Variants in NHEJ1 observed in about 807,000 individuals in gnomAD.
The protein encoded by NHEJ1 is non-homologous end joining factor 1, also known as non-homologous end-joining factor 1.
NHEJ1 carries 22 observed loss-of-function variants against 39.4 expected under a neutral mutation model. The observed-to-expected ratio is 0.56, with a 90% CI of 0.40 to 0.80. The LOEUF (loss-of-function observed/expected upper bound fraction) is 0.80. Among genes scored for constraint, NHEJ1 ranks in the 30% least tolerant of loss-of-function variants. NHEJ1 has a pLI of 0.00. For missense variants in NHEJ1, 329 were observed against 357.1 expected, an observed-to-expected ratio of 0.92 and a Z score of 0.63; for synonymous variants, 154 against 135.6, an observed-to-expected ratio of 1.14 and a Z score of -0.94.
chr2:219,144,196 C>T (rs1949715030), intron 5 of NHEJ1, among the ~76,000 whole-genome samples: 1 of 152,126 alleles, frequency 6.6e-6, no homozygotes, highest in Admixed American at 6.6e-5. Flanking sequence ...ACACTGTATC[C>T]ACAGGCCACA....
intron 5 of NHEJ1, among the ~76,000 whole-genome samples, chr2:219,089,987 A>G (rs564982457): frequency 1.4e-4 from 21 of 152,266 alleles, no homozygotes; most frequent in African/African-American, 4.8e-4. Context: ...AGTCAGACAG[A>G]CCTGGTTTTG....
chr2:219,126,540 C>A (rs1429611798), intron 5 of NHEJ1, among the ~76,000 whole-genome samples: 6 of 152,164 alleles, frequency 3.9e-5, no homozygotes, highest in South Asian at 2.1e-4. Flanking sequence ...CAAATGAAAT[C>A]AAAAAGGCAA....
At chr2:219,103,004 C>CAAAA (rs34361973) in intron 5 of NHEJ1, among the ~76,000 whole-genome samples, 2 of 31,574 alleles carry the variant, frequency 6.3e-5, no homozygotes, top group African/African-American at 1.9e-4. Context: ...GACTCCGTCT[C>CAAAA]AAAAAAAAAA....
At chr2:219,097,416 G>T (rs1949218567) in intron 5 of NHEJ1, among the ~76,000 whole-genome samples, 2 of 152,172 alleles carry the variant, frequency 1.3e-5, no homozygotes, top group African/African-American at 4.8e-5. Flanking sequence ...GATTGGATGT[G>T]GGGTATGAGA....
chr2:219,156,248 C>CA (rs1949854313), intron 3 of NHEJ1, among the ~76,000 whole-genome samples: 6 of 151,334 alleles, frequency 4.0e-5, no homozygotes, highest in Admixed American at 1.3e-4. Flanking sequence ...AACTCCGTCT[C>CA]AAAAAAAATA....
intron 5 of NHEJ1, among the ~76,000 whole-genome samples, chr2:219,096,171 A>C (rs977573775): frequency 2.0e-5 from 3 of 152,204 alleles, no homozygotes; most frequent in Admixed American, 1.3e-4. Flanking sequence ...AATTCTTTGA[A>C]TTTTTATTGT....
intron 5 of NHEJ1, among the ~76,000 whole-genome samples, chr2:219,123,387 A>C (rs1184831785): frequency 6.6e-6 from 1 of 152,236 alleles, no homozygotes; most frequent in Non-Finnish European, 1.5e-5. Context: ...AGTGAGAGAC[A>C]GAAGGAGTCA....
At chr2:219,081,166 T>C (rs1410842979) in intron 5 of NHEJ1, among the ~76,000 whole-genome samples, 1 of 152,196 alleles carries the variant, frequency 6.6e-6, no homozygotes, top group Admixed American at 6.5e-5. Context: ...ACCATACTCT[T>C]AATCCCATTC....
chr2:219,147,099 T>G (rs911222171), intron 4 of NHEJ1, among the ~76,000 whole-genome samples: 2 of 152,244 alleles, frequency 1.3e-5, no homozygotes, highest in African/African-American at 4.8e-5. Context: ...TCCAAAGTCT[T>G]TCCCTGCCAT....
At chr2:219,152,913 T>C (rs1156620750) in intron 3 of NHEJ1, among the ~76,000 whole-genome samples, 1 of 151,918 alleles carries the variant, frequency 6.6e-6, no homozygotes, top group African/African-American at 2.4e-5. Context: ...AGCAATTCTC[T>C]TACCTCAGCC....
intron 3 of NHEJ1, among the ~76,000 whole-genome samples, chr2:219,148,341 C>T (rs980858260): frequency 6.6e-6 from 1 of 152,066 alleles, no homozygotes; most frequent in African/African-American, 2.4e-5. Context: ...TCACTTAAGC[C>T]CAGGAGTTCA....
intron 5 of NHEJ1, among the ~76,000 whole-genome samples, chr2:219,145,564 TA>T (rs1949730977): frequency 6.6e-6 from 1 of 152,198 alleles, no homozygotes; most frequent in African/African-American, 2.4e-5. Flanking sequence ...AAATAATCTA[TA>T]CATAATACCA....
intron 5 of NHEJ1, among the ~76,000 whole-genome samples, chr2:219,105,447 T>C (rs900605283): frequency 6.6e-6 from 1 of 152,218 alleles, no homozygotes; most frequent in East Asian, 1.9e-4. Context: ...CACATCCATT[T>C]TGACAGCTCA....
Position 219,075,058 on chromosome 2 carries a change from A to G in NHEJ1, c.*1323T>C, listed in dbSNP as rs1948999802. ...AGGAGGTTTACAGTGGGAGACTGGA[A>G]AGAAGAACCTAATGTCCTTTCTGGA... On this transcript the variant is annotated 3_prime_UTR_variant, in exon 8 of 8. Coordinates refer to ENST00000356853, the MANE Select transcript of NHEJ1 (RefSeq NM_024782.3). Among the ~76,000 whole-genome samples, 1 of 152,246 alleles carries G rather than the reference A, an allele frequency of 6.6e-6. No homozygotes were observed. Among genetic ancestry groups the G allele is most frequent in the African/African-American group, 2.4e-5 (1 of 41,466 alleles).
intron 5 of NHEJ1, among the ~76,000 whole-genome samples, chr2:219,096,816 T>C (rs1249765445): frequency 6.6e-6 from 1 of 151,914 alleles, no homozygotes. Context: ...AGAGATGAGG[T>C]CAGAAAGATT....
At position 219,149,520 on chromosome 2, in the gene NHEJ1, GCACA is replaced by G. The variant is rs1949775113; in HGVS notation, c.391-1729_391-1726del. 5.9e-5 allele frequency among the ~76,000 whole-genome samples: 9 copies of G among 152,254 alleles called. No individual in the cohort carries two copies. The South Asian group carries it at 1.2e-3, about 21-fold the overall frequency. On this transcript the variant is annotated intron_variant, in intron 3 of 7. Coordinates refer to ENST00000356853, the MANE Select transcript of NHEJ1 (RefSeq NM_024782.3). ...AATCCCAGCTACTCGGGAGACTGAGGCACAAGAATCGCTTGAATCCGGGAGGCAG... is the reference window on the plus strand; with the variant it reads ...AATCCCAGCTACTCGGGAGACTGAGGAGAATCGCTTGAATCCGGGAGGCAG...
At chr2:219,096,953 T>G (rs1002357603) in intron 5 of NHEJ1, among the ~76,000 whole-genome samples, 11 of 152,178 alleles carry the variant, frequency 7.2e-5, no homozygotes, top group Non-Finnish European at 1.5e-4. Flanking sequence ...CTTTAAAGAA[T>G]CACTCCAGCT....
rs777365329 is a variant in NHEJ1 at position 219,157,536 on chromosome 2, C to T, written c.326G>A (p.Arg109Gln). ...GAAGGGGAGGCCAGAGAGCTCACTT[C>T]GCACCCGTAGAATCAGTGCATCTGC... The part of the protein sequence containing the change: ...CVADALILRV[R>Q]SELSGLPFYW... The change falls in exon 3 of 8, where the codon CGA becomes CAA. Residue 109 changes from arginine to glutamine, a missense_variant. Arg to Gln is a conservative substitution (Grantham distance 43). Coordinates refer to ENST00000356853, the MANE Select transcript of NHEJ1 (RefSeq NM_024782.3). The T allele has an allele frequency of 1.3e-5, 21 of 1,614,062 alleles. No individual in the cohort carries two copies. The highest frequency in any genetic ancestry group is 4.0e-5 in the African/African-American group (3 of 74,932).
In NHEJ1 at chr2:219,070,743, C is replaced by T. The variant is rs1201317295; in HGVS notation, c.*5638G>A. Among the ~76,000 whole-genome samples, 1 of 151,872 alleles carries T rather than the reference C, an allele frequency of 6.6e-6. No individual in the cohort carries two copies. The highest frequency in any genetic ancestry group is 1.5e-5 in the Non-Finnish European group (1 of 67,986). On this transcript the variant is annotated 3_prime_UTR_variant, in exon 8 of 8. Transcript: ENST00000356853. ...TTATCCTTCTGAAATGATCTATTCC[C>T]TTTGTCTTGCTATTCTAACTATGTA...
Sources: gnomAD v4.1 joint callset for allele counts (sites outside exome capture counted in the v4.1 genomes callset) on GRCh38, gnomAD v4.1.1 for gene constraint, MANE v1.5 for transcripts, NCBI Gene and HGNC (gene_info 2026-07-23, HGNC 2026-07-21) for gene names.